Variants in PIK3R6 observed in about 807,000 individuals in gnomAD.
The protein encoded by PIK3R6 is phosphoinositide-3-kinase regulatory subunit 6, also known as phosphoinositide 3-kinase regulatory subunit 6.
PIK3R6 carries 91 observed loss-of-function variants against 84.9 expected under a neutral mutation model. The observed-to-expected ratio is 1.07, with a 90% CI of 0.90 to 1.28. The LOEUF is 1.28. PIK3R6 is among the 50% of genes most tolerant of loss of function. The pLI, the probability that PIK3R6 is intolerant of heterozygous loss-of-function variation, is 0.00. For synonymous variants in PIK3R6, 416 were observed against 411.4 expected (o/e 1.01, Z -0.13); for missense variants, 996 against 985.1 (o/e 1.01, Z -0.15).
At chr17:8,849,048 C>G (rs1177439637) in intron 2 of PIK3R6, among the ~76,000 whole-genome samples, 1 of 152,108 alleles carries the variant, frequency 6.6e-6, no homozygotes, top group Non-Finnish European at 1.5e-5. Flanking sequence ...GGTCATCTTT[C>G]CCTGTTGTCC....
chr17:8,846,917 C>T (rs935436657), intron 2 of PIK3R6, among the ~76,000 whole-genome samples: 5 of 152,192 alleles, frequency 3.3e-5, no homozygotes, highest in African/African-American at 1.2e-4. Context: ...GTTCCCTGCA[C>T]TGTCCTCCAT....
chr17:8,837,995 G>A (rs2088539248), intron 4 of PIK3R6, 124 bp from the exon 5 acceptor site: 4 of 779,626 alleles, frequency 5.1e-6, no homozygotes, highest in Non-Finnish European at 8.9e-6. Context: ...GAGAGCAAAG[G>A]GCCATTGTCT....
intron 9 of PIK3R6, 126 bp from the exon 10 acceptor site, chr17:8,829,918 G>C: frequency 1.5e-6 from 1 of 687,156 alleles, no homozygotes; most frequent in Non-Finnish European, 2.4e-6. Context: ...CTTCACATCT[G>C]GTCTGCCTTT....
At chr17:8,829,480 A>G (rs1433791924) in intron 10 of PIK3R6, among the ~76,000 whole-genome samples, 1 of 143,014 alleles carries the variant, frequency 7.0e-6, no homozygotes, top group Non-Finnish European at 1.5e-5. Flanking sequence ...ACACACACTC[A>G]TGCACGCATA....
At chr17:8,829,295 T>TGC (rs1555533022) in intron 10 of PIK3R6, among the ~76,000 whole-genome samples, 2 of 96,564 alleles carry the variant, frequency 2.1e-5, no homozygotes, top group East Asian at 3.9e-4. Context: ...GCATCATGCA[T>TGC]ACACACACAC....
chr17:8,848,206 T>C (rs1035886376), intron 2 of PIK3R6, among the ~76,000 whole-genome samples: 9 of 152,224 alleles, frequency 5.9e-5, no homozygotes, highest in Non-Finnish European at 1.3e-4. Context: ...AGCTTTTCCT[T>C]TGATGCTTGG....
chr17:8,822,485 G>A, intron 16 of PIK3R6, 102 bp downstream of exon 16: 1 of 1,357,108 alleles, frequency 7.4e-7, no homozygotes, highest in Non-Finnish European at 1.0e-6. Flanking sequence ...AAAAGGGGCA[G>A]AAGCTTCCTT....
intron 1 of PIK3R6, among the ~76,000 whole-genome samples, chr17:8,855,577 C>A (rs755008339): frequency 6.6e-6 from 1 of 152,098 alleles, no homozygotes; most frequent in Non-Finnish European, 1.5e-5. Flanking sequence ...GGAGAGCACA[C>A]GGAGGAACTG....
At chr17:8,858,528 G>A (rs1004011045) in intron 1 of PIK3R6, among the ~76,000 whole-genome samples, 1 of 152,044 alleles carries the variant, frequency 6.6e-6, no homozygotes, top group East Asian at 1.9e-4. Context: ...TGTTAGCCAG[G>A]CTGGTCTCGA....
chr17:8,819,228 A>G, intron 17 of PIK3R6, 30 bp from the exon 18 acceptor site: 1 of 1,494,080 alleles, frequency 6.7e-7, no homozygotes, highest in Admixed American at 1.9e-5. Flanking sequence ...CTGTAAATGG[A>G]CCTCCAGGGA....
intron 15 of PIK3R6, 51 bp downstream of exon 15, chr17:8,822,945 T>C (rs1332053522): frequency 2.1e-6 from 3 of 1,428,314 alleles, no homozygotes; most frequent in Non-Finnish European, 2.0e-6. Context: ...GATGAGAGTT[T>C]GGAGAAGCTG....
In PIK3R6 at chr17:8,828,976, G is replaced by A; in HGVS notation, c.904C>T (p.Leu302Phe). The A allele has an allele frequency of 6.7e-7, 1 of 1,498,278 alleles. No individual in the cohort carries two copies. The highest frequency in any genetic ancestry group is 8.9e-7 in the Non-Finnish European group (1 of 1,123,868). The allele number at this position is 1,498,278 out of a possible 1,614,324, so 92.8% of individuals were successfully genotyped here. A position where few individuals can be genotyped will look rare whatever the true frequency, so the allele number is the denominator to read the frequency against. Residue 302 changes from leucine (L) to phenylalanine (F), a missense_variant, in exon 11 of 20, where the codon CTC becomes TTC. Coordinates refer to ENST00000619866, the MANE Select transcript of PIK3R6 (RefSeq NM_001010855.4). ...AGCTGGGATCTTGGGCGGAGGAAGA[G>A]CACCAGTTCCTTCCCTGGGGTGGGG... Reference protein sequence around the residue: ...GEEQLWKELVLFLRPRSQLRL... With the variant: ...GEEQLWKELVFFLRPRSQLRL...
chr17:8,849,319 T>C (rs2088886632), intron 2 of PIK3R6, among the ~76,000 whole-genome samples: 3 of 152,228 alleles, frequency 2.0e-5, no homozygotes, highest in Admixed American at 2.0e-4. Context: ...CACTCCTGAT[T>C]TGACCACTCA....
chr17:8,860,318 T>C (rs753220852), intron 1 of PIK3R6, among the ~76,000 whole-genome samples: 5 of 151,986 alleles, frequency 3.3e-5, no homozygotes, highest in South Asian at 4.1e-4. Flanking sequence ...AAGATTCTCA[T>C]AGAAGCTCGA....
intron 2 of PIK3R6, among the ~76,000 whole-genome samples, chr17:8,843,878 C>T: frequency 6.6e-6 from 1 of 152,138 alleles, no homozygotes; most frequent in Non-Finnish European, 1.5e-5. Context: ...TGCCTGGCCC[C>T]TGGAGGCACT....
Position 8,803,121 on chromosome 17 carries a change from G to C in PIK3R6, c.*152C>G. The C allele has an allele frequency of 1.0e-6, 1 of 957,242 alleles. No homozygotes were observed. The highest frequency in any genetic ancestry group is 1.6e-5 in the South Asian group (1 of 60,776). The allele number at this position is 957,242 out of a possible 1,614,324, so 59.3% of individuals were successfully genotyped here. ...GGGCCCTTCCTCATCACAGTCCCCA[G>C]GGTAGGCTCCCTGTGCTCCCAGGCA... On this transcript the variant is annotated 3_prime_UTR_variant, in exon 20 of 20. Coordinates refer to ENST00000619866, the MANE Select transcript of PIK3R6 (RefSeq NM_001010855.4). The surrounding 1 kb of genome is among the most constrained non-coding windows in gnomAD (Gnocchi z 5.0).
chr17:8,831,498 G>T (rs1258832945), intron 9 of PIK3R6, among the ~76,000 whole-genome samples: 1 of 152,114 alleles, frequency 6.6e-6, no homozygotes, highest in Non-Finnish European at 1.5e-5. Context: ...TGGCCCCAGG[G>T]TTAGTCCCAG....
intron 10 of PIK3R6, among the ~76,000 whole-genome samples, 196 bp downstream of exon 10, chr17:8,829,510 T>G (rs1183274859): frequency 3.2e-5 from 2 of 61,682 alleles, no homozygotes; most frequent in Non-Finnish European, 6.1e-5. Context: ...TGACACACAC[T>G]CATGCATACA....
At chr17:8,831,893 C>T (rs1217739711) in intron 9 of PIK3R6, among the ~76,000 whole-genome samples, 1 of 152,206 alleles carries the variant, frequency 6.6e-6, no homozygotes, top group African/African-American at 2.4e-5. Flanking sequence ...TTTCAGATGC[C>T]CCCATCCACA....
Sources: gnomAD v4.1 joint callset for allele counts (sites outside exome capture counted in the v4.1 genomes callset) on GRCh38, gnomAD v4.1.1 for gene constraint, Gnocchi (gnomAD v3.1) non-coding constraint, MANE v1.5 for transcripts, NCBI Gene and HGNC (gene_info 2026-07-23, HGNC 2026-07-21) for gene names.